Variants in ABCC5 observed in about 807,000 individuals in gnomAD.
ABCC5 encodes the protein ATP-binding cassette sub-family C member 5.
In ABCC5, 61 loss-of-function variants were observed where a neutral mutation model predicts 160.9. That is an observed-to-expected ratio of 0.38 (90% CI 0.31 to 0.47). ABCC5 has a LOEUF of 0.47. Among genes scored for constraint, ABCC5 ranks in the 20% least tolerant of loss-of-function variants. The pLI, the probability that ABCC5 is intolerant of heterozygous loss-of-function variation, is 0.99. For missense variants in ABCC5, 1,308 were observed against 1,813.3 expected (o/e 0.72, Z 5.06); for synonymous variants, 666 against 700.6 (o/e 0.95, Z 0.78).
intron 25 of ABCC5, among the ~76,000 whole-genome samples, chr3:183,940,216 C>T (rs1271617780): frequency 2.0e-5 from 3 of 151,772 alleles, no homozygotes; most frequent in Non-Finnish European, 4.4e-5. Flanking sequence ...GACTCCAGGC[C>T]GGTGGGCGCA....
rs562494029 is a variant in ABCC5, at chr3:183,994,275, T to C, written c.130-4892A>G. On this transcript the variant is annotated intron_variant, in intron 2 of 29. Transcript: ENST00000334444. ...ACATTATTTATGATTCAAATATTAGTTGTCATTGAAATTACTTGACCACAG... is the reference window on the plus strand; with the variant it reads ...ACATTATTTATGATTCAAATATTAGCTGTCATTGAAATTACTTGACCACAG... 6.6e-5 allele frequency among the ~76,000 whole-genome samples: 10 copies of C among 152,328 alleles called. No homozygotes were observed. The South Asian group carries it at 2.1e-3, about 32-fold the overall frequency.
chr3:183,934,407 T>C (rs1161460935), intron 26 of ABCC5, among the ~76,000 whole-genome samples: 5 of 152,244 alleles, frequency 3.3e-5, no homozygotes, highest in African/African-American at 1.2e-4. Context: ...TCTTCCTCAG[T>C]GTCTACTACA....
intron 5 of ABCC5, chr3:183,984,831 T>C (rs1719058155): frequency 1.3e-6 from 2 of 1,586,316 alleles, no homozygotes; most frequent in East Asian, 2.3e-5. Context: ...CTCAGTAAGA[T>C]GGCGGTGCAG....
At chr3:183,932,548 G>T (rs535663625) in intron 26 of ABCC5, among the ~76,000 whole-genome samples, 1 of 152,208 alleles carries the variant, frequency 6.6e-6, no homozygotes. Context: ...GCAATGCAGT[G>T]AGTGTAATGA....
At chr3:183,938,100 A>G in intron 25 of ABCC5, 40 bp from the exon 26 acceptor site, 1 of 1,603,990 alleles carries the variant, frequency 6.2e-7, no homozygotes, top group Non-Finnish European at 8.5e-7. Context: ...AGCTGTTAGC[A>G]AAGTCTGTGA....
At chr3:183,960,465 C>T (rs1400640816) in intron 16 of ABCC5, among the ~76,000 whole-genome samples, 1 of 152,338 alleles carries the variant, frequency 6.6e-6, no homozygotes, top group East Asian at 1.9e-4. Context: ...TCAAGTCTTC[C>T]ATTCTTCATG....
chr3:183,999,850 C>T (rs1027790346), intron 2 of ABCC5, among the ~76,000 whole-genome samples: 8 of 151,972 alleles, frequency 5.3e-5, no homozygotes, highest in Admixed American at 1.3e-4. Flanking sequence ...GGTTTCATAT[C>T]ATACATTAAT....
rs983005253 is a variant in ABCC5 at position 184,001,070 on chromosome 3, C to T, written c.130-11687G>A. 3 of 403,624 alleles carry T rather than the reference C, an allele frequency of 7.4e-6. No individual in the cohort carries two copies. In the South Asian group the frequency reaches 3.3e-4, roughly 45 times the overall value. The allele number at this position is 403,624 out of a possible 1,614,324, so 25.0% of individuals were successfully genotyped here. On this transcript the variant is annotated intron_variant, in intron 2 of 29. Coordinates refer to ENST00000334444, the MANE Select transcript of ABCC5 (RefSeq NM_005688.4). The stretch of plus-strand genomic sequence containing the variant: ...GAGTTTGAGACTAGTCTGTGTAACC[C>T]TCCAAAACCCCATCACTATAAAAAA...
rs1274132670 is a variant in ABCC5, at chr3:183,928,797, T to A, written c.3883A>T (p.Thr1295Ser). Residue 1295 changes from threonine (T) to serine (S), a missense_variant, in exon 27 of 30, where the codon ACT becomes TCT. Coordinates refer to ENST00000334444, the MANE Select transcript of ABCC5 (RefSeq NM_005688.4). ...AGGGCATCCCAAATCTGGTCTTCAG[T>A]GTACTGGTTGAAGGGGTCCAAATTT... ...RSNLDPFNQY[T>S]EDQIWDALER... The A allele has an allele frequency of 1.9e-6, 3 of 1,614,050 alleles. No individual in the cohort carries two copies. The highest frequency in any genetic ancestry group is 2.5e-6 in the Non-Finnish European group (3 of 1,180,020).
chr3:183,937,795 G>A, intron 26 of ABCC5, 106 bp downstream of exon 26: 2 of 1,258,578 alleles, frequency 1.6e-6, no homozygotes, highest in East Asian at 2.4e-5. Context: ...CCAGACTAGA[G>A]ATGGTGAGCT....
rs141082509 is a variant in ABCC5 at position 183,932,258 on chromosome 3, C to T, written c.3855-3433G>A. Among the ~76,000 whole-genome samples, 42 of 152,212 alleles carry T rather than the reference C, an allele frequency of 2.8e-4. No individual in the cohort carries two copies. The East Asian group carries it at 3.9e-3, about 14-fold the overall frequency. On this transcript the variant is annotated intron_variant, in intron 26 of 29. Coordinates refer to ENST00000334444, the MANE Select transcript of ABCC5 (RefSeq NM_005688.4). Reference sequence around the variant, plus strand: ...TCTTATTCTGAGGTATGCAGAAATACGGACTGATTTTGGCTTTTAGTTGTT... The same window carrying T: ...TCTTATTCTGAGGTATGCAGAAATATGGACTGATTTTGGCTTTTAGTTGTT...
At position 183,953,248 on chromosome 3, in the gene ABCC5, C is replaced by A. The variant is rs772279906; in HGVS notation, c.2505G>T (p.Glu835Asp). ...PEEGQLVQLEEKGQGSVPWSV... is the reference protein window; with the variant it reads ...PEEGQLVQLEDKGQGSVPWSV... ...ACCAGGGCACTGAACCCTGCCCTTT[C>A]TCTTCCAGCTGCACAAGCTGCCCTA... The change falls in exon 18 of 30, where the codon GAG becomes GAT. Residue 835 changes from glutamate (E) to aspartate (D), a missense_variant. Around this residue, in one of 3 missense-constraint regions of ABCC5, gnomAD observed 1,142 missense variants for 1,527.1 expected, o/e 0.75. Coordinates refer to ENST00000334444, the MANE Select transcript of ABCC5 (RefSeq NM_005688.4). The A allele has an allele frequency of 5.6e-6, 9 of 1,610,418 alleles. No homozygotes were observed. Among genetic ancestry groups the A allele is most frequent in the Non-Finnish European group, 6.8e-6 (8 of 1,178,366 alleles).
chr3:183,951,530 A>G lies in ABCC5; in HGVS notation c.2855T>C (p.Phe952Ser). 1 of 1,614,216 alleles carries G rather than the reference A, an allele frequency of 6.2e-7. No homozygotes were observed. Among genetic ancestry groups the G allele is most frequent in the South Asian group, 1.1e-5 (1 of 91,084 alleles). Reference protein sequence around the residue: ...RASSRLHDELFRRILRSPMKF... With the variant: ...RASSRLHDELSRRILRSPMKF... ...CATAGGGCTTCGAAGGATCCTTCGG[A>G]AAAGCTCGTCATGCAGCCGGGAGGA... The change falls in exon 20 of 30, where the codon TTC becomes TCC. Residue 952 changes from phenylalanine to serine, a missense_variant. This residue lies in a region of ABCC5 where 1,142 missense variants were observed against 1,527.1 expected (regional missense o/e 0.75). Transcript: ENST00000334444. This position sits in a 1 kb window ranked among gnomAD's most constrained non-coding sequence, Gnocchi z 4.7.
At chr3:183,985,237 A>G in intron 5 of ABCC5, 1 of 1,357,928 alleles carries the variant, frequency 7.4e-7, no homozygotes, top group Non-Finnish European at 1.0e-6. Context: ...ACTGGAAGAA[A>G]ACTTGAGACT....
chr3:184,001,328 T>A (rs996554885), intron 2 of ABCC5: 4 of 440,098 alleles, frequency 9.1e-6, no homozygotes, highest in South Asian at 6.0e-5. Context: ...TTATCTTTTT[T>A]AACATATAAT....
At chr3:183,957,448 T>A (rs374263053) in intron 17 of ABCC5, among the ~76,000 whole-genome samples, 2 of 121,998 alleles carry the variant, frequency 1.6e-5, no homozygotes, top group East Asian at 3.2e-4. Flanking sequence ...ATATCACATC[T>A]GTTACATGCG....
chr3:183,942,980 C>T, intron 24 of ABCC5, 64 bp from the exon 25 acceptor site: 1 of 1,501,928 alleles, frequency 6.7e-7, no homozygotes, highest in Non-Finnish European at 9.0e-7. Context: ...CAGGCTTTGT[C>T]ACAGAGAAAT....
intron 17 of ABCC5, among the ~76,000 whole-genome samples, chr3:183,957,875 G>A (rs1391642973): frequency 8.5e-6 from 1 of 117,434 alleles, no homozygotes; most frequent in East Asian, 2.7e-4. Context: ...GTTACATGCG[G>A]ATCCGTGTGT....
chr3:183,928,122 T>C (rs1712781134), intron 27 of ABCC5, among the ~76,000 whole-genome samples: 1 of 151,964 alleles, frequency 6.6e-6, no homozygotes, highest in Non-Finnish European at 1.5e-5. Flanking sequence ...CTTTTTTTTT[T>C]TTTTTTTGAG....
Sources: gnomAD v4.1 joint callset for allele counts (sites outside exome capture counted in the v4.1 genomes callset) on GRCh38, gnomAD v4.1.1 for gene constraint, gnomAD v4.1.1 regional missense constraint, Gnocchi (gnomAD v3.1) non-coding constraint, MANE v1.5 for transcripts, NCBI Gene and HGNC (gene_info 2026-07-23, HGNC 2026-07-21) for gene names.